Variants in KLHL20 observed in about 807,000 individuals in gnomAD.
KLHL20 encodes the protein kelch like family member 20, also known as kelch-like protein 20.
KLHL20 carries 29 observed loss-of-function variants against 69.5 expected under a neutral mutation model. The observed-to-expected ratio is 0.42, with a 90% CI of 0.31 to 0.57. The LOEUF is 0.57. KLHL20 is among the 20% of genes least tolerant of loss of function. The pLI is 0.18. For synonymous variants in KLHL20, 253 were observed against 265.2 expected (o/e 0.95, Z 0.45); for missense variants, 419 against 776.0 (o/e 0.54, Z 5.47).
intron 8 of KLHL20, among the ~76,000 whole-genome samples, chr1:173,772,339 C>T (rs1648148911): frequency 6.6e-6 from 1 of 152,124 alleles, no homozygotes; most frequent in Non-Finnish European, 1.5e-5. Flanking sequence ...TGAAGATGTT[C>T]CCACTGACCA....
At chr1:173,778,830 G>A (rs1160061391) in intron 10 of KLHL20, among the ~76,000 whole-genome samples, 1 of 151,930 alleles carries the variant, frequency 6.6e-6, no homozygotes, top group South Asian at 2.1e-4. Flanking sequence ...TTTCATCTCT[G>A]ATTTTATTTA....
chr1:173,752,957 C>G (rs1673376141), intron 4 of KLHL20, among the ~76,000 whole-genome samples: 1 of 152,018 alleles, frequency 6.6e-6, no homozygotes, highest in Middle Eastern at 3.4e-3. Flanking sequence ...CACTTGAGCT[C>G]AGGTGTTTGA....
intron 2 of KLHL20, among the ~76,000 whole-genome samples, chr1:173,728,172 C>G (rs1672073333): frequency 6.6e-6 from 1 of 152,164 alleles, no homozygotes. Flanking sequence ...GTAAAGGGAT[C>G]AATTCAACAA....
At chr1:173,720,089 T>TC (rs1553277241) in intron 2 of KLHL20, among the ~76,000 whole-genome samples, 1 of 152,206 alleles carries the variant, frequency 6.6e-6, no homozygotes, top group Non-Finnish European at 1.5e-5. Context: ...GCCACTGCAC[T>TC]CCAGCCCGGA....
chr1:173,741,807 A>T, intron 3 of KLHL20: 1 of 1,567,158 alleles, frequency 6.4e-7, no homozygotes, highest in Non-Finnish European at 8.7e-7. Flanking sequence ...TAAAATCACC[A>T]TGGTCTTTAG....
chr1:173,716,875 A>G (rs1386532974), intron 2 of KLHL20, among the ~76,000 whole-genome samples: 1 of 152,216 alleles, frequency 6.6e-6, no homozygotes, highest in East Asian at 1.9e-4. Context: ...ACCAGAATGT[A>G]TATCTTTATC....
intron 2 of KLHL20, among the ~76,000 whole-genome samples, chr1:173,724,189 T>A (rs1027494789): frequency 1.3e-5 from 2 of 151,212 alleles, no homozygotes; most frequent in African/African-American, 2.4e-5. Context: ...TTTTTTTTTT[T>A]AGAGATGGGG....
rs1464997582 is a variant in KLHL20, at chr1:173,760,168, CAAAG to C, written c.1151+3013_1151+3016del. Among the ~76,000 whole-genome samples, 5 of 151,850 alleles carry C rather than the reference CAAAG, an allele frequency of 3.3e-5. No individual in the cohort carries two copies. In the East Asian group the frequency reaches 7.7e-4, roughly 23 times the overall value. The stretch of plus-strand genomic sequence containing the variant: ...TTGAATTAACCCAATCCAACAAAGA[CAAAG>C]AAAAAAGAATAAGAAAATATGAACA... On this transcript the variant is annotated intron_variant, in intron 7 of 11. Coordinates refer to ENST00000209884, the MANE Select transcript of KLHL20 (RefSeq NM_014458.4).
chr1:173,757,325 G>A (rs965221262), intron 7 of KLHL20, among the ~76,000 whole-genome samples, 166 bp downstream of exon 7: 3 of 152,008 alleles, frequency 2.0e-5, no homozygotes, highest in East Asian at 1.9e-4. Context: ...TCTGGTCTCC[G>A]CCTATTTTTC....
rs749834590 is a variant in KLHL20, at chr1:173,786,172, C to T, written c.*925C>T. ...TGCAATTTATTCTTGATGCTCAGGC[C>T]TGGTTAAGCTGAGGCTTACCTTTAA... is the stretch of plus-strand genomic sequence containing the variant. On this transcript the variant is annotated 3_prime_UTR_variant, in exon 12 of 12. Coordinates refer to ENST00000209884, the MANE Select transcript of KLHL20 (RefSeq NM_014458.4). 2.6e-5 allele frequency: 4 copies of T among 152,586 alleles called. No individual in the cohort carries two copies. Among genetic ancestry groups the T allele is most frequent in the Non-Finnish European group, 5.9e-5 (4 of 68,036 alleles). 9.5% of individuals were successfully genotyped at this position (152,586 alleles called of 1,614,324 possible). A position where few individuals can be genotyped will look rare whatever the true frequency, so the allele number is the denominator to read the frequency against.
intron 8 of KLHL20, among the ~76,000 whole-genome samples, chr1:173,770,554 G>A (rs1225069706): frequency 6.6e-6 from 1 of 151,706 alleles, no homozygotes; most frequent in African/African-American, 2.4e-5. Context: ...AAAATTAGCC[G>A]GATGTGGTGG....
At chr1:173,755,094 C>G (rs1353810660) in intron 5 of KLHL20, among the ~76,000 whole-genome samples, 1 of 144,430 alleles carries the variant, frequency 6.9e-6, no homozygotes, top group East Asian at 2.0e-4. Flanking sequence ...GAGTCTCGCT[C>G]TGTTGCCAGG....
At chr1:173,719,602 C>G (rs1322398650) in intron 2 of KLHL20, among the ~76,000 whole-genome samples, 1 of 149,622 alleles carries the variant, frequency 6.7e-6, no homozygotes, top group African/African-American at 2.5e-5. Flanking sequence ...CTGATGAAAG[C>G]ATAAGAATCC....
chr1:173,763,385 A>G (rs979121565), intron 7 of KLHL20, among the ~76,000 whole-genome samples: 2 of 152,194 alleles, frequency 1.3e-5, no homozygotes, highest in Non-Finnish European at 2.9e-5. Context: ...GAAAAAAACA[A>G]TTATAAAGTT....
rs111402461 is a variant in KLHL20, at chr1:173,722,336, A to G, written c.23+6270A>G. ...GTGAAAATTATATGGATGGACACCA[A>G]TGGCTGGGGGCACAGTGGCCTACAC... On this transcript the variant is annotated intron_variant, in intron 2 of 11. Coordinates refer to ENST00000209884, the MANE Select transcript of KLHL20 (RefSeq NM_014458.4). 1.2e-3 allele frequency among the ~76,000 whole-genome samples: 185 copies of G among 152,178 alleles called. 1 individual carries two copies. The highest frequency in any genetic ancestry group is 4.3e-3 in the African/African-American group (179 of 41,520).
intron 2 of KLHL20, among the ~76,000 whole-genome samples, chr1:173,724,173 T>A (rs962841827): frequency 7.8e-6 from 1 of 128,662 alleles, no homozygotes; most frequent in South Asian, 2.3e-4. Context: ...GTTTTGGGGA[T>A]TTTTTTTTTT....
At chr1:173,730,017 A>AAAGTCT (rs1401689918) in intron 2 of KLHL20, among the ~76,000 whole-genome samples, 2 of 152,228 alleles carry the variant, frequency 1.3e-5, no homozygotes, top group Non-Finnish European at 2.9e-5. Context: ...CAACTTCAGC[A>AAAGTCT]AAGTCTCAGG....
intron 8 of KLHL20, among the ~76,000 whole-genome samples, chr1:173,770,504 CCTGA>C (rs1037187080): frequency 3.3e-5 from 5 of 151,970 alleles, no homozygotes; most frequent in African/African-American, 1.2e-4. Flanking sequence ...TCAAGACCAG[CCTGA>C]CTAACATGGT....
intron 2 of KLHL20, among the ~76,000 whole-genome samples, chr1:173,725,221 G>A (rs373894835): frequency 6.6e-6 from 1 of 152,072 alleles, no homozygotes; most frequent in Admixed American, 6.6e-5. Flanking sequence ...CCCTCTCCTT[G>A]CCTCCCAGCA....
Sources: allele counts gnomAD v4.1 joint callset (sites outside exome capture counted in the v4.1 genomes callset), GRCh38; gene constraint gnomAD v4.1.1; transcripts MANE v1.5; gene names NCBI Gene and HGNC (gene_info 2026-07-23, HGNC 2026-07-21).